The following SAMD12 variants were observed in gnomAD, a reference collection of about 807,000 sequenced individuals.
The protein encoded by SAMD12 is sterile alpha motif domain-containing protein 12.
A neutral mutation model predicts 15.0 loss-of-function variants in SAMD12; 9 were observed. That is an observed-to-expected ratio of 0.60 (90% CI 0.36 to 1.05). The LOEUF (loss-of-function observed/expected upper bound fraction) is 1.05, where lower values mean the gene tolerates loss of function less well. SAMD12 is among the 50% of genes least tolerant of loss of function. SAMD12 has a pLI of 0.01. For synonymous variants in SAMD12, 86 were observed against 90.1 expected, an observed-to-expected ratio of 0.96 and a Z score of 0.25; for missense variants, 230 against 234.2, an observed-to-expected ratio of 0.98 and a Z score of 0.12.
intron 4 of SAMD12, among the ~76,000 whole-genome samples, chr8:118,199,089 A>C (rs1819641569): frequency 6.6e-6 from 1 of 152,230 alleles, no homozygotes; most frequent in Non-Finnish European, 1.5e-5. Flanking sequence ...AGCAACATGG[A>C]AACAGTTATG....
chr8:118,339,218 A>G (rs903378971), intron 4 of SAMD12, among the ~76,000 whole-genome samples: 3 of 152,148 alleles, frequency 2.0e-5, no homozygotes, highest in African/African-American at 4.8e-5. Context: ...AGTCCCAGCT[A>G]CTTGGGAGTC....
chr8:118,344,796 C>T (rs572747330), intron 4 of SAMD12, among the ~76,000 whole-genome samples: 12 of 152,200 alleles, frequency 7.9e-5, no homozygotes, highest in Admixed American at 4.6e-4. Context: ...CTTGGATGTA[C>T]GGTCACATGC....
At chr8:118,362,475 A>G (rs1250752516) in intron 4 of SAMD12, among the ~76,000 whole-genome samples, 1 of 152,230 alleles carries the variant, frequency 6.6e-6, no homozygotes, top group Non-Finnish European at 1.5e-5. Flanking sequence ...AAATGCACAC[A>G]TATGTAGTTT....
intron 2 of SAMD12, among the ~76,000 whole-genome samples, chr8:118,532,273 C>T (rs1825710758): frequency 6.6e-6 from 1 of 152,196 alleles, no homozygotes; most frequent in African/African-American, 2.4e-5. Context: ...AGCCTTGCAT[C>T]CCAGGGATGA....
rs140105694 is a variant in SAMD12 at position 118,219,072 on chromosome 8, C to T, written c.434-21340G>A. Reference sequence around the variant, plus strand: ...ATGTGGCATGAACTGTCTGGGTCTCCGCTGCCCCCAACATCCTTTCTACTG... The same window carrying T: ...ATGTGGCATGAACTGTCTGGGTCTCTGCTGCCCCCAACATCCTTTCTACTG... On this transcript the variant is annotated intron_variant, in intron 4 of 4. Coordinates refer to the SAMD12 transcript ENST00000409003. 5.1e-3 allele frequency among the ~76,000 whole-genome samples: 774 copies of T among 152,294 alleles called. 6 individuals are homozygous for T. The highest frequency in any genetic ancestry group is 9.0e-3 in the Non-Finnish European group (612 of 68,022).
intron 2 of SAMD12, among the ~76,000 whole-genome samples, chr8:118,444,058 A>G (rs1278375456): frequency 6.6e-6 from 1 of 152,152 alleles, no homozygotes; most frequent in Non-Finnish European, 1.5e-5. Context: ...AGCCATCCCT[A>G]GAGGATGACT....
intron 1 of SAMD12, chr8:118,620,998 G>C (rs2131334622): frequency 6.6e-6 from 1 of 152,146 alleles, no homozygotes; most frequent in African/African-American, 2.4e-5. Context: ...ACCTAAACAA[G>C]GAAGTTTGTG....
At chr8:118,309,635 A>G (rs773115345) in intron 4 of SAMD12, among the ~76,000 whole-genome samples, 31 of 152,234 alleles carry the variant, frequency 2.0e-4, no homozygotes, top group South Asian at 1.5e-3. Flanking sequence ...CTTTTTTCAG[A>G]CTTGAATATG....
Position 118,587,950 on chromosome 8 carries a change from T to C in SAMD12, c.14-7057A>G, listed in dbSNP as rs1292686111. 2.0e-5 allele frequency among the ~76,000 whole-genome samples: 3 copies of C among 152,352 alleles called. 1 individual carries two copies. The highest frequency in any genetic ancestry group is 6.8e-3 in the Middle Eastern group (2 of 294). On this transcript the variant is annotated intron_variant, in intron 1 of 3. Coordinates refer to ENST00000314727, the MANE Select transcript of SAMD12 (RefSeq NM_207506.3). ...AAACAGAAATCCTAGTAAAATGTTC[T>C]GGTCTGGGTTTCACAGCTCCTATTA...
intron 2 of SAMD12, among the ~76,000 whole-genome samples, chr8:118,578,425 G>T (rs1286113848): frequency 6.6e-6 from 1 of 152,168 alleles, no homozygotes; most frequent in Non-Finnish European, 1.5e-5. Context: ...CTATTATCAA[G>T]CTTGTCATCC....
In SAMD12 at chr8:118,379,036, G is replaced by A; in HGVS notation, c.*381C>T. ...TGTGTGTATAATACATTCATGTATA[G>A]TAATACATATCTAAAATGTTTTTCT... is the stretch of plus-strand genomic sequence containing the variant. On this transcript the variant is annotated 3_prime_UTR_variant, in exon 4 of 4. Transcript: ENST00000314727. 7 of 1,027,374 alleles carry A rather than the reference G, an allele frequency of 6.8e-6. No individual in the cohort carries two copies. Among genetic ancestry groups the A allele is most frequent in the South Asian group, 3.9e-5 (1 of 25,828 alleles). The allele number at this position is 1,027,374 out of a possible 1,614,324, so 63.6% of individuals were successfully genotyped here.
intron 3 of SAMD12, among the ~76,000 whole-genome samples, chr8:118,391,955 G>T (rs1471201708): frequency 6.7e-6 from 1 of 149,944 alleles, no homozygotes; most frequent in African/African-American, 2.5e-5. Context: ...AAAAAAAAAA[G>T]AGGTCTTGGG....
intron 4 of SAMD12, among the ~76,000 whole-genome samples, chr8:118,205,688 C>T (rs1819842453): frequency 6.6e-6 from 1 of 152,180 alleles, no homozygotes; most frequent in Non-Finnish European, 1.5e-5. Context: ...ACCCTCTCAC[C>T]CCTTGGTGTT....
intron 4 of SAMD12, among the ~76,000 whole-genome samples, chr8:118,366,778 C>T (rs1210695370): frequency 2.0e-5 from 3 of 149,072 alleles, no homozygotes; most frequent in African/African-American, 7.4e-5. Flanking sequence ...CGCCATTGCA[C>T]TCCAGCCTGG....
chr8:118,457,285 C>A (rs1265005321), intron 2 of SAMD12, among the ~76,000 whole-genome samples: 1 of 149,662 alleles, frequency 6.7e-6, no homozygotes, highest in Non-Finnish European at 1.5e-5. Context: ...TGCTGGAGTG[C>A]GGTGGCATGA....
the SAMD12 span, among the ~76,000 whole-genome samples, chr8:118,155,949 G>A: frequency 8.1e-4 from 124 of 152,222 alleles, 1 homozygote; most frequent in African/African-American, 2.9e-3. Flanking sequence ...GTAAATCCAA[G>A]CATTTCTATC....
chr8:118,473,282 C>T (rs2130969944), intron 2 of SAMD12, among the ~76,000 whole-genome samples: 1 of 152,296 alleles, frequency 6.6e-6, no homozygotes, highest in Non-Finnish European at 1.5e-5. Flanking sequence ...TTTTCTAAAC[C>T]TTCCCTATAC....
intron 3 of SAMD12, among the ~76,000 whole-genome samples, chr8:118,412,283 T>C (rs546637083): frequency 5.9e-5 from 9 of 152,206 alleles, no homozygotes; most frequent in Non-Finnish European, 1.0e-4. Context: ...AGAGGAACTA[T>C]ACCTAAGGAA....
chr8:118,296,362 C>A (rs57452718), intron 4 of SAMD12, among the ~76,000 whole-genome samples: 2,336 of 152,334 alleles, frequency 0.015, 59 homozygotes, highest in South Asian at 0.05. Context: ...CTGCCTCTAG[C>A]TGCAGCTCAA....
Sources: gnomAD v4.1 joint callset for allele counts (sites outside exome capture counted in the v4.1 genomes callset) on GRCh38, gnomAD v4.1.1 for gene constraint, MANE v1.5 for transcripts, NCBI Gene and HGNC (gene_info 2026-07-23, HGNC 2026-07-21) for gene names.